Variants in ZNF277 observed in about 807,000 individuals in gnomAD.
ZNF277 encodes the protein zinc finger protein 277.
In ZNF277, 55 loss-of-function variants were observed where a neutral mutation model predicts 60.7. The ratio of observed to expected loss-of-function variants is 0.91; its 90% CI spans 0.73 to 1.13. ZNF277 has a LOEUF of 1.13. ZNF277 is among the 50% of genes most tolerant of loss of function. The pLI is 0.00. For missense variants in ZNF277, 510 were observed against 523.0 expected (o/e 0.98, Z 0.24); for synonymous variants, 178 against 179.3 (o/e 0.99, Z 0.06).
chr7:112,252,586 C>T (rs6949164), intron 1 of ZNF277, among the ~76,000 whole-genome samples: 33,484 of 152,048 alleles, frequency 0.22, 4,521 homozygotes, highest in African/African-American at 0.38. Flanking sequence ...AGGAATTCTA[C>T]TGGGTAGAAT....
chr7:112,342,060 G>A (rs1180920543), intron 11 of ZNF277, among the ~76,000 whole-genome samples: 1 of 152,114 alleles, frequency 6.6e-6, no homozygotes, highest in Non-Finnish European at 1.5e-5. Flanking sequence ...ACAAGGAAGA[G>A]CTTATTATTC....
chr7:112,247,191 C>T (rs1031925747), intron 1 of ZNF277, among the ~76,000 whole-genome samples: 6 of 152,116 alleles, frequency 3.9e-5, no homozygotes, highest in African/African-American at 9.7e-5. Flanking sequence ...TTGTAATTGC[C>T]GCTAAGTGGA....
rs528275298 is a variant in ZNF277, at chr7:112,287,128, C to T, written c.293+54C>T. The T allele has an allele frequency of 1.6e-5, 26 of 1,584,606 alleles. No homozygotes were observed. In the African/African-American group the frequency reaches 2.4e-4, roughly 15 times the overall value. ...TTAAATTTGACCATGTGTGGTGGCT[C>T]ATGTCTGTAATCCTAGTACTTTGGG... On this transcript the variant is annotated intron_variant, in intron 2 of 11. Transcript: ENST00000361822.
intron 1 of ZNF277, 79 bp downstream of exon 1, chr7:112,206,886 AC>A: frequency 7.0e-7 from 1 of 1,437,770 alleles, no homozygotes; most frequent in Non-Finnish European, 9.5e-7. Context: ...CTCTGGTCTG[AC>A]CCTAGGAGCC....
At chr7:112,293,734 A>T (rs553227218) in intron 2 of ZNF277, among the ~76,000 whole-genome samples, 7 of 152,310 alleles carry the variant, frequency 4.6e-5, no homozygotes, top group Admixed American at 3.9e-4. Context: ...GTATTCAAGG[A>T]GTTATCACTG....
intron 1 of ZNF277, among the ~76,000 whole-genome samples, chr7:112,224,259 A>G (rs905585360): frequency 2.0e-5 from 3 of 152,256 alleles, no homozygotes; most frequent in Non-Finnish European, 4.4e-5. Context: ...TGGACCACAC[A>G]TAAAATACAC....
chr7:112,262,247 C>CAA (rs376386868), intron 1 of ZNF277, among the ~76,000 whole-genome samples: 6,098 of 77,592 alleles, frequency 0.079, 421 homozygotes, highest in African/African-American at 0.21. Context: ...AAAAGCAATA[C>CAA]AAAAAAAAAA....
intron 1 of ZNF277, among the ~76,000 whole-genome samples, chr7:112,210,400 C>T (rs1821706244): frequency 6.6e-6 from 1 of 152,004 alleles, no homozygotes; most frequent in Non-Finnish European, 1.5e-5. Flanking sequence ...GTGGCTCCAT[C>T]CTTCTCCAAG....
At chr7:112,242,077 A>G (rs1790966765) in intron 1 of ZNF277, among the ~76,000 whole-genome samples, 2 of 152,244 alleles carry the variant, frequency 1.3e-5, no homozygotes, top group South Asian at 4.1e-4. Flanking sequence ...GTTCTTATGC[A>G]CCATATGCCT....
At chr7:112,254,061 T>G (rs1241721838) in intron 1 of ZNF277, among the ~76,000 whole-genome samples, 2 of 152,206 alleles carry the variant, frequency 1.3e-5, no homozygotes. Flanking sequence ...TGAAACACTA[T>G]TTTCTTTCCT....
intron 1 of ZNF277, among the ~76,000 whole-genome samples, chr7:112,237,745 A>G (rs932426804): frequency 6.6e-6 from 1 of 152,192 alleles, no homozygotes. Context: ...CACCAGATAT[A>G]CAAAGAAGAA....
chr7:112,307,827 T>C (rs940283959), intron 4 of ZNF277, among the ~76,000 whole-genome samples: 14 of 151,926 alleles, frequency 9.2e-5, no homozygotes, highest in African/African-American at 2.9e-4. Context: ...GTAGATGCTT[T>C]TTTTTCCATT....
At chr7:112,277,174 C>T (rs1291638226) in intron 1 of ZNF277, among the ~76,000 whole-genome samples, 1 of 150,842 alleles carries the variant, frequency 6.6e-6, no homozygotes, top group Non-Finnish European at 1.5e-5. Flanking sequence ...AGCTCCGCCT[C>T]CCAGGTTCAC....
At chr7:112,324,739 A>G (rs944062676) in intron 5 of ZNF277, among the ~76,000 whole-genome samples, 10 of 152,224 alleles carry the variant, frequency 6.6e-5, no homozygotes, top group Admixed American at 5.9e-4. Context: ...AAACAGGACC[A>G]ATATTATATA....
At chr7:112,240,897 C>T (rs962970536) in intron 1 of ZNF277, among the ~76,000 whole-genome samples, 1 of 152,030 alleles carries the variant, frequency 6.6e-6, no homozygotes, top group Non-Finnish European at 1.5e-5. Flanking sequence ...AAACTGTAAA[C>T]CTTCTAGAAG....
At chr7:112,284,724 T>A (rs1378172099) in intron 1 of ZNF277, among the ~76,000 whole-genome samples, 4 of 152,242 alleles carry the variant, frequency 2.6e-5, no homozygotes, top group Non-Finnish European at 5.9e-5. Flanking sequence ...TGAACAAAAA[T>A]AAACAGTTTG....
chr7:112,267,951 T>A (rs758156423), intron 1 of ZNF277, among the ~76,000 whole-genome samples: 5 of 152,292 alleles, frequency 3.3e-5, no homozygotes, highest in Admixed American at 2.0e-4. Context: ...GGGACAGATA[T>A]GCATTTTTGT....
intron 1 of ZNF277, among the ~76,000 whole-genome samples, chr7:112,255,321 T>C (rs1166183628): frequency 1.3e-5 from 2 of 152,218 alleles, no homozygotes; most frequent in East Asian, 3.8e-4. Flanking sequence ...GTTAACTTTA[T>C]CACATAAAGT....
intron 1 of ZNF277, among the ~76,000 whole-genome samples, chr7:112,226,386 T>A (rs529602496): frequency 1.2e-3 from 181 of 152,296 alleles, no homozygotes; most frequent in African/African-American, 3.9e-3. Flanking sequence ...GCCAGAGTTG[T>A]TTTGAAGATG....
Sources: gnomAD v4.1 joint callset for allele counts (sites outside exome capture counted in the v4.1 genomes callset) on GRCh38, gnomAD v4.1.1 for gene constraint, MANE v1.5 for transcripts, NCBI Gene and HGNC (gene_info 2026-07-23, HGNC 2026-07-21) for gene names.